AIM2: variants seen among roughly 807,000 people sequenced by gnomAD.
AIM2 encodes the protein absent in melanoma 2, also known as interferon-inducible protein AIM2.
Under a neutral mutation model 27.7 loss-of-function variants are expected in AIM2, and 30 were observed. That is an observed-to-expected ratio of 1.08 (90% confidence interval 0.81 to 1.47). AIM2 has a LOEUF of 1.47. AIM2 is among the 40% of genes most tolerant of loss of function. The probability of loss-of-function intolerance (pLI) is 0.00; values close to 1 mark genes in which losing one functional copy is unlikely to be tolerated. For missense variants in AIM2, 358 were observed against 411.3 expected, an observed-to-expected ratio of 0.87 and a Z score of 1.12; for synonymous variants, 141 against 145.3, an observed-to-expected ratio of 0.97 and a Z score of 0.21.
chr1:159,132,562 G>GAT (rs1029096114), intron 1 of AIM2, among the ~76,000 whole-genome samples: 3 of 151,976 alleles, frequency 2.0e-5, no homozygotes, highest in Non-Finnish European at 1.5e-5. Flanking sequence ...TCTCTTTTGC[G>GAT]ATATATATAT....
At chr1:159,128,225 CTT>C (rs889419652) in intron 1 of AIM2, among the ~76,000 whole-genome samples, 2 of 151,158 alleles carry the variant, frequency 1.3e-5, no homozygotes, top group African/African-American at 2.4e-5. Flanking sequence ...AAAATAATTG[CTT>C]TGTTATAAAT....
At chr1:159,123,345 A>AGGC (rs1240292755) in intron 1 of AIM2, among the ~76,000 whole-genome samples, 15 of 152,232 alleles carry the variant, frequency 9.9e-5, no homozygotes, top group Non-Finnish European at 1.9e-4. Flanking sequence ...TTAACTCATA[A>AGGC]TTCAGTGCTT....
chr1:159,055,386 C>CA, the AIM2 span, among the ~76,000 whole-genome samples: 2 of 152,136 alleles, frequency 1.3e-5, no homozygotes, highest in Admixed American at 1.3e-4. Flanking sequence ...GTTCAGTTGC[C>CA]AAGTGCTGTG....
chr1:159,112,683 G>A (rs902493175), intron 1 of AIM2, among the ~76,000 whole-genome samples: 15 of 152,136 alleles, frequency 9.9e-5, no homozygotes, highest in African/African-American at 2.2e-4. Flanking sequence ...TCCCTAAACC[G>A]TAGGAATTTA....
downstream of AIM2, among the ~76,000 whole-genome samples, chr1:159,062,252 C>A (rs1456591512): frequency 6.6e-6 from 1 of 152,134 alleles, no homozygotes; most frequent in Non-Finnish European, 1.5e-5. Context: ...CCCTATGGGA[C>A]AAAATATACA....
At chr1:159,075,622 A>AAT (rs1656576188) in intron 1 of AIM2, among the ~76,000 whole-genome samples, 1 of 151,520 alleles carries the variant, frequency 6.6e-6, no homozygotes, top group African/African-American at 2.4e-5. Flanking sequence ...AGAGAGAGAG[A>AAT]GAGAGAGAGA....
At chr1:159,117,977 C>T (rs941808022) in intron 1 of AIM2, among the ~76,000 whole-genome samples, 2 of 152,060 alleles carry the variant, frequency 1.3e-5, no homozygotes, top group Non-Finnish European at 1.5e-5. Context: ...CATTTGAAAC[C>T]GGGTTAGATA....
the AIM2 span, among the ~76,000 whole-genome samples, chr1:159,056,210 G>A: frequency 2.6e-5 from 4 of 152,298 alleles, no homozygotes; most frequent in Admixed American, 2.6e-4. Context: ...CTCCCTGCTT[G>A]TGGGCTTCCC....
chr1:159,088,215 T>C (rs928050829), intron 1 of AIM2, among the ~76,000 whole-genome samples: 1 of 152,162 alleles, frequency 6.6e-6, no homozygotes, highest in Non-Finnish European at 1.5e-5. Context: ...CTTTGAGGTA[T>C]GTGACTGTGA....
intron 1 of AIM2, among the ~76,000 whole-genome samples, chr1:159,110,506 CG>C (rs1275392104): frequency 6.6e-6 from 1 of 151,918 alleles, no homozygotes; most frequent in Admixed American, 6.6e-5. Context: ...CTAGCTGTGC[CG>C]TTGGTATACC....
intron 2 of AIM2, among the ~76,000 whole-genome samples, 187 bp downstream of exon 2, chr1:159,073,051 G>A (rs1238382990): frequency 6.6e-6 from 1 of 152,234 alleles, no homozygotes; most frequent in Non-Finnish European, 1.5e-5. Flanking sequence ...GAATGGATTT[G>A]TGGAATTTGT....
At chr1:159,101,600 A>G (rs1350412397) in intron 1 of AIM2, among the ~76,000 whole-genome samples, 1 of 152,200 alleles carries the variant, frequency 6.6e-6, no homozygotes, top group Non-Finnish European at 1.5e-5. Flanking sequence ...GGAACTTGCT[A>G]GAGACTTGTT....
chr1:159,072,098 C>T (rs1446025482), intron 2 of AIM2, among the ~76,000 whole-genome samples: 1 of 152,206 alleles, frequency 6.6e-6, no homozygotes, highest in African/African-American at 2.4e-5. Context: ...GCCTAGATTC[C>T]TGGCTCATCC....
At chr1:159,104,094 C>A (rs1031891381) in intron 1 of AIM2, among the ~76,000 whole-genome samples, 8 of 151,854 alleles carry the variant, frequency 5.3e-5, no homozygotes, top group Non-Finnish European at 1.0e-4. Flanking sequence ...TCTGTATAAA[C>A]TGGGGTATTT....
chr1:159,056,138 A>T, the AIM2 span, among the ~76,000 whole-genome samples: 1 of 152,226 alleles, frequency 6.6e-6, no homozygotes, highest in African/African-American at 2.4e-5. Context: ...TTGAAGTGTG[A>T]GGAGGGCAGC....
At chr1:159,088,144 C>T (rs1448359906) in intron 1 of AIM2, among the ~76,000 whole-genome samples, 1 of 152,064 alleles carries the variant, frequency 6.6e-6, no homozygotes, top group Non-Finnish European at 1.5e-5. Context: ...GCACAGGATG[C>T]TTTTGATGTT....
intron 1 of AIM2, among the ~76,000 whole-genome samples, chr1:159,094,695 C>T (rs1657132924): frequency 6.6e-6 from 1 of 152,100 alleles, no homozygotes; most frequent in Admixed American, 6.5e-5. Flanking sequence ...GAGACTCTGT[C>T]TCCGAAGAAA....
intron 1 of AIM2, among the ~76,000 whole-genome samples, chr1:159,146,521 C>G (rs539704418): frequency 9.2e-5 from 14 of 152,284 alleles, no homozygotes; most frequent in African/African-American, 3.4e-4. Flanking sequence ...CTGTCCACGC[C>G]TTTGCTCATT....
intron 1 of AIM2, among the ~76,000 whole-genome samples, chr1:159,094,116 A>C (rs1389584382): frequency 6.6e-6 from 1 of 152,200 alleles, no homozygotes; most frequent in Non-Finnish European, 1.5e-5. Flanking sequence ...GCAGAGAGAT[A>C]ATAAGACACA....
Sources: allele counts gnomAD v4.1 joint callset (sites outside exome capture counted in the v4.1 genomes callset), GRCh38; gene constraint gnomAD v4.1.1; transcripts MANE v1.5; gene names NCBI Gene and HGNC (gene_info 2026-07-23, HGNC 2026-07-21).